BRD10: variants seen among roughly 807,000 people sequenced by gnomAD.
The protein encoded by BRD10 is bromodomain containing 10.
chr9:5,893,138 CTG>C, the BRD10 span, among the ~76,000 whole-genome samples: 1 of 152,340 alleles, frequency 6.6e-6, no homozygotes, highest in East Asian at 1.9e-4. Context: ...GCGTGAGACA[CTG>C]TTTTTATCTT....
At chr9:6,006,687 T>C in the BRD10 span, among the ~76,000 whole-genome samples, 2 of 152,218 alleles carry the variant, frequency 1.3e-5, no homozygotes, top group African/African-American at 2.4e-5. Context: ...AAAGTAACCA[T>C]TAACCATTTA....
the BRD10 span, chr9:5,919,581 C>CACACACAA: frequency 9.8e-7 from 1 of 1,017,858 alleles, no homozygotes; most frequent in African/African-American, 1.6e-5. Flanking sequence ...CACACACACA[C>CACACACAA]ACAATGTATA....
chr9:6,007,558 T>C, the BRD10 span: 10 of 1,612,886 alleles, frequency 6.2e-6, no homozygotes, highest in Non-Finnish European at 8.5e-6. Context: ...CTGTAGCTCG[T>C]AGGTCAGCTC....
chr9:5,924,743 T>C, the BRD10 span: 1 of 1,607,128 alleles, frequency 6.2e-7, no homozygotes, highest in Non-Finnish European at 8.5e-7. Context: ...GAGAGTCTTT[T>C]CCAAGATCTC....
At chr9:5,960,928 T>C in the BRD10 span, among the ~76,000 whole-genome samples, 3 of 152,302 alleles carry the variant, frequency 2.0e-5, no homozygotes, top group South Asian at 4.1e-4. Context: ...GGTATACTGA[T>C]ACGCAGGGGA....
At chr9:5,929,374 C>A in the BRD10 span, among the ~76,000 whole-genome samples, 1 of 152,016 alleles carries the variant, frequency 6.6e-6, no homozygotes, top group Non-Finnish European at 1.5e-5. Flanking sequence ...CCTGTTTCAT[C>A]CAACTGGAAG....
the BRD10 span, among the ~76,000 whole-genome samples, chr9:5,987,321 T>C: frequency 6.6e-6 from 1 of 152,212 alleles, no homozygotes; most frequent in Admixed American, 6.5e-5. Context: ...CAATTTCTGG[T>C]GACCAGTATT....
the BRD10 span, among the ~76,000 whole-genome samples, chr9:5,914,846 A>G: frequency 3.3e-5 from 5 of 152,186 alleles, no homozygotes; most frequent in Non-Finnish European, 7.3e-5. Context: ...TATGTAAACC[A>G]TAATTGAATT....
chr9:6,001,063 C>G, the BRD10 span, among the ~76,000 whole-genome samples: 17 of 152,304 alleles, frequency 1.1e-4, no homozygotes, highest in South Asian at 2.9e-3. Context: ...AGCATCACCA[C>G]CAGCTGGGCT....
the BRD10 span, among the ~76,000 whole-genome samples, chr9:5,959,933 A>G: frequency 4.6e-5 from 7 of 152,196 alleles, no homozygotes. Context: ...ACTTTTCCAC[A>G]AAAGTTTTCT....
the BRD10 span, among the ~76,000 whole-genome samples, chr9:5,884,848 T>C: frequency 1.3e-5 from 2 of 152,328 alleles, no homozygotes; most frequent in African/African-American, 4.8e-5. Flanking sequence ...AGTGCTCTTC[T>C]CTGCTCACCT....
the BRD10 span, chr9:6,007,277 G>T: frequency 6.2e-7 from 1 of 1,613,956 alleles, no homozygotes; most frequent in South Asian, 1.1e-5. Flanking sequence ...ACTCCGTGCA[G>T]GCGGTAGCAC....
chr9:5,926,378 G>A, the BRD10 span, among the ~76,000 whole-genome samples: 1 of 151,858 alleles, frequency 6.6e-6, no homozygotes, highest in African/African-American at 2.4e-5. Context: ...CACAATCTTG[G>A]CTCACTGTAA....
chr9:5,919,830 T>C, the BRD10 span: 2 of 1,613,758 alleles, frequency 1.2e-6, no homozygotes, highest in Admixed American at 3.3e-5. Flanking sequence ...TTTATGGTAT[T>C]CAAAATGGCT....
chr9:5,906,198 AAG>A, the BRD10 span, among the ~76,000 whole-genome samples: 1 of 151,002 alleles, frequency 6.6e-6, no homozygotes. Flanking sequence ...AAAAAAAAAA[AAG>A]AAAGAAAGAA....
the BRD10 span, among the ~76,000 whole-genome samples, chr9:5,911,522 TTTTTCTTTTC>T: frequency 6.6e-6 from 1 of 151,262 alleles, no homozygotes; most frequent in African/African-American, 2.4e-5. Flanking sequence ...GCTTAGGTCC[TTTTTCTTTTC>T]TTTTCTTTTC....
At chr9:5,968,510 C>A in the BRD10 span, 3 of 1,612,586 alleles carry the variant, frequency 1.9e-6, no homozygotes, top group African/African-American at 1.3e-5. Flanking sequence ...ACAAGGCCTG[C>A]GAATTCTAAT....
At chr9:5,901,566 T>C in the BRD10 span, among the ~76,000 whole-genome samples, 1 of 152,212 alleles carries the variant, frequency 6.6e-6, no homozygotes, top group African/African-American at 2.4e-5. Context: ...TCACCCAGGC[T>C]GGAGTGCAGT....
the BRD10 span, among the ~76,000 whole-genome samples, chr9:5,902,488 A>T: frequency 2.0e-5 from 3 of 149,434 alleles, no homozygotes; most frequent in Non-Finnish European, 4.4e-5. Flanking sequence ...TTCTAGAGAC[A>T]GGGTCTCATT....
Sources: allele counts gnomAD v4.1 joint callset (sites outside exome capture counted in the v4.1 genomes callset), GRCh38; gene constraint gnomAD v4.1.1; transcripts MANE v1.5; gene names NCBI Gene and HGNC (gene_info 2026-07-23, HGNC 2026-07-21).